Variants in PTPRD observed in about 807,000 individuals in gnomAD.
PTPRD encodes the protein receptor-type tyrosine-protein phosphatase delta.
PTPRD carries 34 observed loss-of-function variants against 214.5 expected under a neutral mutation model. That is an observed-to-expected ratio of 0.16 (90% CI 0.12 to 0.21). The LOEUF is 0.21. Among genes scored for constraint, PTPRD ranks in the 10% least tolerant of loss-of-function variants. The probability of loss-of-function intolerance (pLI) is 1.00; values close to 1 mark genes in which losing one functional copy is unlikely to be tolerated. For missense variants in PTPRD, 2,545 were observed against 2,398.7 expected (o/e 1.06, Z -1.27); for synonymous variants, 1,128 against 845.7 (o/e 1.33, Z -5.79).
intron 10 of PTPRD, among the ~76,000 whole-genome samples, chr9:9,132,070 C>T (rs1294806237): frequency 4.6e-5 from 7 of 152,062 alleles, no homozygotes; most frequent in East Asian, 1.9e-4. Context: ...TGCAGTGGCA[C>T]GATCTAGGCT....
intron 2 of PTPRD, among the ~76,000 whole-genome samples, chr9:10,391,367 C>G (rs909307019): frequency 4.6e-5 from 7 of 151,524 alleles, no homozygotes; most frequent in Admixed American, 4.0e-4. Context: ...AGAGAGGGGC[C>G]TAATATAATG....
At chr9:9,769,843 A>G (rs1036308571) in intron 5 of PTPRD, among the ~76,000 whole-genome samples, 2 of 152,056 alleles carry the variant, frequency 1.3e-5, no homozygotes, top group African/African-American at 4.8e-5. Flanking sequence ...CCCACTTACA[A>G]GTGAGAACAT....
intron 11 of PTPRD, among the ~76,000 whole-genome samples, chr9:8,955,129 G>A (rs921591142): frequency 6.6e-6 from 1 of 151,826 alleles, no homozygotes; most frequent in Non-Finnish European, 1.5e-5. Context: ...AGCTGAAGTG[G>A]GATATAATAA....
chr9:8,785,144 G>A (rs1198536847), intron 11 of PTPRD, among the ~76,000 whole-genome samples: 1 of 152,050 alleles, frequency 6.6e-6, no homozygotes, highest in Non-Finnish European at 1.5e-5. Context: ...ATCAGGACTT[G>A]GTGTATAGAC....
rs561969110 is a variant in PTPRD at position 10,534,640 on chromosome 9, C to A, written c.-600+77758G>T. 2.6e-5 allele frequency among the ~76,000 whole-genome samples: 4 copies of A among 152,096 alleles called. No homozygotes were observed. In the East Asian group the frequency reaches 7.7e-4, roughly 29 times the overall value. The stretch of plus-strand genomic sequence containing the variant: ...GGACCAAATTTTTGTTTAATTCGTC[C>A]TTACTAGGTTGGCAGACACAAGTCA... On this transcript the variant is annotated intron_variant, in intron 2 of 45. Transcript: ENST00000381196.
chr9:9,902,711 A>G lies in PTPRD; in HGVS notation c.-368+35796T>C, dbSNP rs1031714438. Among the ~76,000 whole-genome samples, 6 of 152,222 alleles carry G rather than the reference A, an allele frequency of 3.9e-5. No homozygotes were observed. The East Asian group carries it at 1.2e-3, about 29-fold the overall frequency. ...GGGGTGATGATGAGTTCAGATACAG[A>G]TCAGTAGGTAGGATGATAGATACCT... On this transcript the variant is annotated intron_variant, in intron 5 of 45. Transcript: ENST00000381196.
At position 8,517,025 on chromosome 9, in the gene PTPRD, G is replaced by T. The variant is rs571844783; in HGVS notation, c.1543+823C>A. On this transcript the variant is annotated intron_variant, in intron 21 of 45. Transcript: ENST00000381196. ...TGAGGTTTTGCCATTGGCCAGGCTG[G>T]TCTCAAAGTCCTGACCCTCAAGTGA... 2.6e-4 allele frequency among the ~76,000 whole-genome samples: 39 copies of T among 152,010 alleles called. No homozygotes were observed. In the Middle Eastern group the frequency reaches 0.017, roughly 66 times the overall value.
At chr9:10,560,085 G>A (rs2063527861) in intron 2 of PTPRD, among the ~76,000 whole-genome samples, 1 of 152,100 alleles carries the variant, frequency 6.6e-6, no homozygotes, top group South Asian at 2.1e-4. Flanking sequence ...TATAAATCAT[G>A]TTGCTATAAA....
intron 9 of PTPRD, among the ~76,000 whole-genome samples, chr9:9,204,679 G>T (rs540456948): frequency 6.6e-6 from 1 of 152,216 alleles, no homozygotes; most frequent in South Asian, 2.1e-4. Flanking sequence ...TAAATTGATG[G>T]TCCTGTTAAA....
intron 11 of PTPRD, among the ~76,000 whole-genome samples, chr9:8,802,730 C>T (rs1339811160): frequency 6.6e-6 from 1 of 152,178 alleles, no homozygotes; most frequent in Non-Finnish European, 1.5e-5. Flanking sequence ...GGGGAAATTG[C>T]TTAAATTCTT....
chr9:10,434,734 T>C (rs1351282958), intron 2 of PTPRD, among the ~76,000 whole-genome samples: 1 of 151,960 alleles, frequency 6.6e-6, no homozygotes, highest in African/African-American at 2.4e-5. Context: ...GAGAAGATTC[T>C]TTTCTCTGCA....
chr9:10,579,068 C>T (rs950287278), intron 2 of PTPRD, among the ~76,000 whole-genome samples: 1 of 152,014 alleles, frequency 6.6e-6, no homozygotes, highest in Non-Finnish European at 1.5e-5. Flanking sequence ...TGCTCCTCCT[C>T]CCTCTGTCCT....
intron 3 of PTPRD, among the ~76,000 whole-genome samples, chr9:10,296,154 A>C (rs1026935741): frequency 6.6e-6 from 1 of 152,116 alleles, no homozygotes; most frequent in Non-Finnish European, 1.5e-5. Flanking sequence ...ATATTAGATA[A>C]AGTATTTTCT....
intron 3 of PTPRD, among the ~76,000 whole-genome samples, chr9:10,127,853 T>C (rs1313289916): frequency 6.6e-6 from 1 of 152,218 alleles, no homozygotes; most frequent in Non-Finnish European, 1.5e-5. Context: ...TTTTAAATTC[T>C]GTTACAGGTA....
At chr9:8,706,084 T>C (rs1435371808) in intron 12 of PTPRD, among the ~76,000 whole-genome samples, 1 of 152,194 alleles carries the variant, frequency 6.6e-6, no homozygotes, top group East Asian at 1.9e-4. Flanking sequence ...CAGACTCACT[T>C]AGTCCAAGCA....
Position 9,261,996 on chromosome 9 carries a change from A to G in PTPRD, c.-202-78633T>C, listed in dbSNP as rs1038284464. On this transcript the variant is annotated intron_variant, in intron 9 of 45. Transcript: ENST00000381196. ...CTAAAGGAGGAGGATAACTTTAAACAGTATAGATTATAGAACTCTACAAAG... is the reference window on the plus strand; with the variant it reads ...CTAAAGGAGGAGGATAACTTTAAACGGTATAGATTATAGAACTCTACAAAG... 2.0e-5 allele frequency among the ~76,000 whole-genome samples: 3 copies of G among 151,788 alleles called. No individual in the cohort carries two copies. In the East Asian group the frequency reaches 5.9e-4, roughly 30 times the overall value.
rs1181219212 is a variant in PTPRD at position 8,499,686 on chromosome 9, G to C, written c.2283C>G (p.Gly761=). The C allele has an allele frequency of 1.2e-6, 2 of 1,613,918 alleles. No individual in the cohort carries two copies. The highest frequency in any genetic ancestry group is 1.7e-6 in the Non-Finnish European group (2 of 1,179,884). Residue 761 remains glycine, a synonymous_variant, in exon 25 of 46, where the codon GGC becomes GGG. Transcript: ENST00000381196. ...GCATGACATCTTTCAGCATGGGCTGGCCCTTGGGCTCACCATTTTCCATCC... is the reference window on the plus strand; with the variant it reads ...GCATGACATCTTTCAGCATGGGCTGCCCCTTGGGCTCACCATTTTCCATCC... The part of the protein sequence containing the change: ...YVRMENGEPK[G]QPMLKDVMLA...
chr9:8,504,373 A>G lies in PTPRD; in HGVS notation c.1710T>C (p.Tyr570=), dbSNP rs1475949130. The G allele has an allele frequency of 2.5e-6, 4 of 1,614,174 alleles. No homozygotes were observed. The highest frequency in any genetic ancestry group is 1.6e-4 in the Middle Eastern group (1 of 6,062). ...TGTTTGGTTTCAGTCCTTGCAGCCT[A>G]TATGATGTCCCTGGCTCAATGGTAA... ...QRITIEPGTS[Y]RLQGLKPNSL... The change falls in exon 23 of 46, where the codon TAT becomes TAC. Residue 570 remains tyrosine, a synonymous_variant. Transcript: ENST00000381196.
chr9:9,539,114 T>C (rs626804), intron 8 of PTPRD, among the ~76,000 whole-genome samples: 24,386 of 151,754 alleles, frequency 0.16, 2,116 homozygotes, highest in African/African-American at 0.23. Flanking sequence ...GGTGATGTAA[T>C]AAAATAATAG....
Sources: allele counts gnomAD v4.1 joint callset (sites outside exome capture counted in the v4.1 genomes callset), GRCh38; gene constraint gnomAD v4.1.1; transcripts MANE v1.5; gene names NCBI Gene and HGNC (gene_info 2026-07-23, HGNC 2026-07-21).